FAM163B: variants seen among roughly 807,000 people sequenced by gnomAD.
FAM163B encodes family with sequence similarity 163 member B, also known as protein FAM163B.
FAM163B carries 4 observed loss-of-function variants against 7.6 expected under a neutral mutation model. That is an observed-to-expected ratio of 0.52 (90% confidence interval 0.26 to 1.20). The LOEUF is 1.20. FAM163B is among the 50% of genes most tolerant of loss of function. The pLI is 0.14. For missense variants in FAM163B, 250 were observed against 243.0 expected, an observed-to-expected ratio of 1.03 and a Z score of -0.19; for synonymous variants, 120 against 111.6, an observed-to-expected ratio of 1.07 and a Z score of -0.47.
intron 1 of FAM163B, among the ~76,000 whole-genome samples, chr9:133,593,283 G>T (rs1281306511): frequency 6.6e-6 from 1 of 152,190 alleles, no homozygotes; most frequent in Non-Finnish European, 1.5e-5. Context: ...GCAAAGTGAT[G>T]CCTGGAGTTG....
rs1436501078 is a variant in FAM163B, at chr9:133,577,455, AACATAACGATTGTG to A, written c.*1553_*1566del. 1.3e-5 allele frequency among the ~76,000 whole-genome samples: 2 copies of A among 152,252 alleles called. No individual in the cohort carries two copies. The highest frequency in any genetic ancestry group is 2.9e-5 in the Non-Finnish European group (2 of 68,050). On this transcript the variant is annotated 3_prime_UTR_variant, in exon 3 of 3. Transcript: ENST00000673969. ...AAGTAAGAGGAGGAAAACAATTGAG[AACATAACGATTGTG>A]ACTTCGTCAGCCGTTCCCCCGACGC...
chr9:133,582,743 CCT>C (rs1831375006), intron 1 of FAM163B, among the ~76,000 whole-genome samples: 1 of 152,224 alleles, frequency 6.6e-6, no homozygotes, highest in Non-Finnish European at 1.5e-5. Flanking sequence ...GGCCAGCCGG[CCT>C]CTCTCCTGGG....
intron 1 of FAM163B, among the ~76,000 whole-genome samples, chr9:133,593,735 G>A (rs1831589403): frequency 6.6e-6 from 1 of 152,220 alleles, no homozygotes; most frequent in Non-Finnish European, 1.5e-5. Flanking sequence ...CCGGTGCTGG[G>A]GCCAGGGTCC....
chr9:133,582,330 C>T (rs1013718361), intron 1 of FAM163B, among the ~76,000 whole-genome samples: 17 of 152,178 alleles, frequency 1.1e-4, no homozygotes, highest in East Asian at 3.8e-4. Context: ...ATATTTGATG[C>T]GTTTCAGTCC....
intron 1 of FAM163B, among the ~76,000 whole-genome samples, chr9:133,582,083 G>T (rs1831364511): frequency 6.6e-6 from 1 of 152,178 alleles, no homozygotes; most frequent in Admixed American, 6.5e-5. Flanking sequence ...AGGCTCAGAG[G>T]TTCCATTCCT....
chr9:133,586,388 C>G (rs1259868927), intron 1 of FAM163B, among the ~76,000 whole-genome samples: 2 of 152,214 alleles, frequency 1.3e-5, no homozygotes, highest in Non-Finnish European at 2.9e-5. Context: ...TGCTGCCGGG[C>G]TTGGCACAGA....
chr9:133,605,960 G>A (rs930775495), intron 1 of FAM163B, among the ~76,000 whole-genome samples: 4 of 152,154 alleles, frequency 2.6e-5, no homozygotes, highest in African/African-American at 9.7e-5. Context: ...CAGCCAGAGA[G>A]GGTCCCTAAA....
rs544341137 is a variant in FAM163B at position 133,579,269 on chromosome 9, G to A, written c.254C>T (p.Pro85Leu). 226 of 1,612,788 alleles carry A rather than the reference G, an allele frequency of 1.4e-4. 6 individuals carry two copies. In the South Asian group the frequency reaches 2.3e-3, roughly 17 times the overall value. The change falls in exon 3 of 3, where the codon CCG (proline) becomes CTG (leucine). Residue 85 changes from proline to leucine, a missense_variant. Physicochemically the swap from Pro to Leu is moderately conservative, Grantham distance 98 (BLOSUM62 -3). Coordinates refer to ENST00000673969, the MANE Select transcript of FAM163B (RefSeq NM_001080515.3). ...TASTSFSQKS[P>L]QARALCRSCS... is the part of the protein sequence containing the mutation. Reference sequence around the variant, plus strand: ...GCTGCGGCAGAGGGCGCGGGCCTGCGGGGACTTCTGGCTGAAGGAGGTGGA... The same window carrying A: ...GCTGCGGCAGAGGGCGCGGGCCTGCAGGGACTTCTGGCTGAAGGAGGTGGA...
chr9:133,580,085 C>T (rs1831333161), intron 2 of FAM163B, 46 bp downstream of exon 2: 8 of 1,551,050 alleles, frequency 5.2e-6, no homozygotes, highest in Non-Finnish European at 7.1e-6. Context: ...TAGGGGCACC[C>T]TCTGGGCCTC....
rs534592703 is a variant in FAM163B at position 133,591,854 on chromosome 9, G to A, written c.-23-11608C>T. Among the ~76,000 whole-genome samples the A allele has an allele frequency of 5.3e-5, 8 of 152,200 alleles. No homozygotes were observed. The South Asian group carries it at 1.5e-3, about 28-fold the overall frequency. ...CCGTGTGGCCTCTGCCTCAGGACGG[G>A]GACCGCTCTGGGGATGCACCTGCTG... On this transcript the variant is annotated intron_variant, in intron 1 of 2. Transcript: ENST00000673969.
chr9:133,593,182 G>C (rs1336985286), intron 1 of FAM163B, among the ~76,000 whole-genome samples: 1 of 152,184 alleles, frequency 6.6e-6, no homozygotes, highest in Admixed American at 6.5e-5. Flanking sequence ...CTGCAGATGA[G>C]CAAACATCAG....
At chr9:133,598,018 T>G (rs1360647522) in intron 1 of FAM163B, among the ~76,000 whole-genome samples, 1 of 151,948 alleles carries the variant, frequency 6.6e-6, no homozygotes. Context: ...GACCTACCAC[T>G]GTGGATTCTG....
In FAM163B at chr9:133,578,556, A is replaced by G. The variant is rs796828258; in HGVS notation, c.*466T>C. 188 of 161,190 alleles carry G rather than the reference A, an allele frequency of 1.2e-3. No individual in the cohort carries two copies. Among genetic ancestry groups the G allele is most frequent in the African/African-American group, 4.3e-3 (180 of 41,856 alleles). The allele number at this position is 161,190 out of a possible 1,614,324, so 10.0% of individuals were successfully genotyped here. On this transcript the variant is annotated 3_prime_UTR_variant, in exon 3 of 3. Transcript: ENST00000673969. The stretch of plus-strand genomic sequence containing the variant: ...AGGCTGGAGTTCAAGGTGGAGGAGC[A>G]GAATCCTTGGTCTGCAATTGCCAGG...
At chr9:133,589,541 C>A (rs72779268) in intron 1 of FAM163B, among the ~76,000 whole-genome samples, 5,518 of 152,218 alleles carry the variant, frequency 0.036, 130 homozygotes, top group Middle Eastern at 0.061. Flanking sequence ...AAACTCACCG[C>A]CTTCCCTGCA....
intron 1 of FAM163B, among the ~76,000 whole-genome samples, chr9:133,603,303 G>A (rs1286903811): frequency 6.6e-6 from 1 of 152,128 alleles, no homozygotes; most frequent in Admixed American, 6.5e-5. Context: ...GCATCCCACC[G>A]CAGCCGGCCT....
chr9:133,605,132 G>C (rs890605536), intron 1 of FAM163B, among the ~76,000 whole-genome samples: 1 of 152,250 alleles, frequency 6.6e-6, no homozygotes, highest in East Asian at 1.9e-4. Flanking sequence ...AAGTGAGCAC[G>C]GGTCGGGGCT....
In FAM163B at chr9:133,579,235, G is replaced by T; in HGVS notation, c.288C>A (p.His96Gln). 6.2e-7 allele frequency: 1 copy of T among 1,612,104 alleles called. No homozygotes were observed. The highest frequency in any genetic ancestry group is 8.5e-7 in the Non-Finnish European group (1 of 1,179,796). The change falls in exon 3 of 3, where the codon CAC becomes CAA. Residue 96 changes from histidine (H) to glutamine (Q), a missense_variant. Physicochemically the swap from His to Gln is conservative, Grantham distance 24. Transcript: ENST00000673969. The stretch of plus-strand genomic sequence containing the variant: ...GCAGGAAGAAGGTGGGGGGCTCGCA[G>T]TGGGAGCAGCTGCGGCAGAGGGCGC... Reference protein sequence around the residue: ...QARALCRSCSHCEPPTFFLQE... With the variant: ...QARALCRSCSQCEPPTFFLQE...
At position 133,600,448 on chromosome 9, in the gene FAM163B, A is replaced by G. The variant is rs1831706603; in HGVS notation, c.-24+8629T>C. 2.0e-5 allele frequency among the ~76,000 whole-genome samples: 3 copies of G among 152,146 alleles called. No individual in the cohort carries two copies. In the South Asian group the frequency reaches 6.2e-4, roughly 31 times the overall value. On this transcript the variant is annotated intron_variant, in intron 1 of 2. Coordinates refer to ENST00000673969, the MANE Select transcript of FAM163B (RefSeq NM_001080515.3). The surrounding 1 kb of genome is among the most constrained non-coding windows in gnomAD (Gnocchi z 4.9). ...TTTCCCTGTGGTGCCACCCACTCTC[A>G]GTTTAGTGGAGCCCAGGTCACCTGG...
intron 1 of FAM163B, among the ~76,000 whole-genome samples, chr9:133,604,416 G>A (rs923526801): frequency 6.6e-6 from 1 of 151,926 alleles, no homozygotes; most frequent in African/African-American, 2.4e-5. Flanking sequence ...TGACACACAC[G>A]TCACTGACAC....
Sources: gnomAD v4.1 joint callset for allele counts (sites outside exome capture counted in the v4.1 genomes callset) on GRCh38, gnomAD v4.1.1 for gene constraint, Gnocchi (gnomAD v3.1) non-coding constraint, MANE v1.5 for transcripts, NCBI Gene and HGNC (gene_info 2026-07-23, HGNC 2026-07-21) for gene names.